The following HAPSTR1 variants were observed in gnomAD, a reference collection of about 807,000 sequenced individuals.
HAPSTR1 encodes the protein HUWE1 associated protein modifying stress responses.
At chr16:9,117,674 T>A in the HAPSTR1 span, 1 of 152,574 alleles carries the variant, frequency 6.6e-6, no homozygotes, top group Non-Finnish European at 1.5e-5. Flanking sequence ...CGGGGTACTT[T>A]CCTTATGGTA....
chr16:9,097,489 A>G, the HAPSTR1 span, among the ~76,000 whole-genome samples: 1 of 152,164 alleles, frequency 6.6e-6, no homozygotes, highest in African/African-American at 2.4e-5. Flanking sequence ...CACCTGCCTC[A>G]GCCTGCCAAA....
chr16:9,113,418 T>C, the HAPSTR1 span, among the ~76,000 whole-genome samples: 3 of 152,194 alleles, frequency 2.0e-5, no homozygotes, highest in African/African-American at 4.8e-5. Flanking sequence ...CACATCTTCT[T>C]TTTCATGGAG....
the HAPSTR1 span, among the ~76,000 whole-genome samples, chr16:9,096,721 T>TGA: frequency 6.6e-6 from 1 of 152,190 alleles, no homozygotes; most frequent in Non-Finnish European, 1.5e-5. Context: ...TGGATTACAG[T>TGA]GAGAAACCCT....
the HAPSTR1 span, among the ~76,000 whole-genome samples, chr16:9,093,500 T>A: frequency 1.3e-5 from 2 of 152,208 alleles, no homozygotes; most frequent in Non-Finnish European, 2.9e-5. Flanking sequence ...GAGTTAGGCA[T>A]TTGAAAGCGT....
chr16:9,110,700 C>T, the HAPSTR1 span: 1 of 152,358 alleles, frequency 6.6e-6, no homozygotes, highest in East Asian at 1.9e-4. Flanking sequence ...AGAAGTATAT[C>T]TTGACACCTA....
the HAPSTR1 span, among the ~76,000 whole-genome samples, chr16:9,097,255 T>TC: frequency 6.6e-6 from 1 of 150,940 alleles, no homozygotes; most frequent in Non-Finnish European, 1.5e-5. Context: ...TTTTTTTTTT[T>TC]CTTTTGAGAC....
chr16:9,113,757 C>T, the HAPSTR1 span, among the ~76,000 whole-genome samples: 32 of 152,120 alleles, frequency 2.1e-4, no homozygotes, highest in Admixed American at 9.8e-4. Context: ...CAGGCTGAGA[C>T]ACTAGGATGA....
At chr16:9,115,589 C>G in the HAPSTR1 span, among the ~76,000 whole-genome samples, 1 of 152,106 alleles carries the variant, frequency 6.6e-6, no homozygotes, top group Non-Finnish European at 1.5e-5. Context: ...GAATAAGTAT[C>G]CATGAGTGCT....
chr16:9,092,420 C>G, the HAPSTR1 span: 5 of 676,996 alleles, frequency 7.4e-6, no homozygotes, highest in African/African-American at 9.6e-5. Flanking sequence ...GCCGCCCCCT[C>G]CCCGCAAGAT....
At chr16:9,114,104 A>ATT in the HAPSTR1 span, among the ~76,000 whole-genome samples, 1 of 151,664 alleles carries the variant, frequency 6.6e-6, no homozygotes, top group African/African-American at 2.4e-5. Context: ...ATAGCTCAAG[A>ATT]TTTTTTTTTG....
chr16:9,092,296 A>G, the HAPSTR1 span: 4 of 1,476,134 alleles, frequency 2.7e-6, no homozygotes, highest in Admixed American at 2.2e-5. Context: ...CCATCTTGGT[A>G]CCGCTTGGCC....
the HAPSTR1 span, among the ~76,000 whole-genome samples, chr16:9,093,744 TGTGTAAG>T: frequency 6.6e-6 from 1 of 152,160 alleles, no homozygotes; most frequent in Non-Finnish European, 1.5e-5. Context: ...GACATGAAGA[TGTGTAAG>T]TAAACGTTCT....
chr16:9,094,807 T>C, the HAPSTR1 span, among the ~76,000 whole-genome samples: 834 of 152,356 alleles, frequency 5.5e-3, 8 homozygotes, highest in African/African-American at 0.019. Context: ...AGTGTTTTTA[T>C]GTGCCAGGTT....
chr16:9,115,684 G>T, the HAPSTR1 span, among the ~76,000 whole-genome samples: 1 of 152,070 alleles, frequency 6.6e-6, no homozygotes, highest in Non-Finnish European at 1.5e-5. Flanking sequence ...GTGCAGTCTC[G>T]GTTCTTTGCA....
At chr16:9,096,317 T>C in the HAPSTR1 span, among the ~76,000 whole-genome samples, 1 of 152,198 alleles carries the variant, frequency 6.6e-6, no homozygotes, top group Non-Finnish European at 1.5e-5. Context: ...TGAAGGGAAG[T>C]AATAATAGTT....
chr16:9,114,848 T>A, the HAPSTR1 span, among the ~76,000 whole-genome samples: 2 of 152,214 alleles, frequency 1.3e-5, no homozygotes, highest in Non-Finnish European at 2.9e-5. Context: ...AATGGAGATA[T>A]TATAGGTGTC....
the HAPSTR1 span, chr16:9,113,013 TTTTTG>T: frequency 2.0e-5 from 3 of 150,738 alleles, no homozygotes; most frequent in African/African-American, 7.3e-5. Flanking sequence ...TGGTTTTTTT[TTTTTG>T]TTTTTTTTGT....
chr16:9,107,218 TCATTGAGC>T, the HAPSTR1 span: 25 of 152,244 alleles, frequency 1.6e-4, no homozygotes, highest in Admixed American at 1.4e-3. Context: ...GCAGAATGAC[TCATTGAGC>T]CATTGAGCCA....
At chr16:9,095,686 G>C in the HAPSTR1 span, among the ~76,000 whole-genome samples, 23 of 152,000 alleles carry the variant, frequency 1.5e-4, no homozygotes, top group African/African-American at 4.6e-4. Flanking sequence ...TTGTCAGAGG[G>C]CTTTTGAAAA....
Sources: allele counts gnomAD v4.1 joint callset (sites outside exome capture counted in the v4.1 genomes callset), GRCh38; gene constraint gnomAD v4.1.1; transcripts MANE v1.5; gene names NCBI Gene and HGNC (gene_info 2026-07-23, HGNC 2026-07-21).